Variants in DPP3 observed in about 807,000 individuals in gnomAD.
The protein encoded by DPP3 is DPP III.
A neutral mutation model predicts 89.8 loss-of-function variants in DPP3; 64 were observed. The ratio of observed to expected loss-of-function variants is 0.71; its 90% CI spans 0.58 to 0.88. The LOEUF is 0.88. Among genes scored for constraint, DPP3 ranks in the 40% least tolerant of loss-of-function variants. DPP3 has a pLI of 0.00. For synonymous variants in DPP3, 377 were observed against 404.3 expected (o/e 0.93, Z 0.81); for missense variants, 835 against 972.5 (o/e 0.86, Z 1.88).
intron 6 of DPP3, 51 bp from the exon 7 acceptor site, chr11:66,491,202 T>C (rs1855374059): frequency 6.2e-7 from 1 of 1,608,774 alleles, no homozygotes; most frequent in African/African-American, 1.3e-5. Flanking sequence ...TTTCTCTGAG[T>C]GAGGCCTCTT....
intron 17 of DPP3, among the ~76,000 whole-genome samples, chr11:66,508,316 C>A (rs1367820887): frequency 1.3e-5 from 2 of 152,152 alleles, no homozygotes; most frequent in Non-Finnish European, 2.9e-5. Context: ...GCCATGGTGG[C>A]TAGCATTTGT....
At chr11:66,487,414 T>G in intron 5 of DPP3, 72 bp downstream of exon 5, 18 of 1,474,096 alleles carry the variant, frequency 1.2e-5, no homozygotes, top group Non-Finnish European at 1.5e-5. Flanking sequence ...TCACAACTGG[T>G]GACCACTCCT....
At chr11:66,487,767 C>A in intron 5 of DPP3, 147 bp from the exon 6 acceptor site, 2 of 666,156 alleles carry the variant, frequency 3.0e-6, no homozygotes, top group Non-Finnish European at 5.2e-6. Context: ...CACTCCCACT[C>A]TCTCCCACTC....
At chr11:66,485,367 A>C in intron 3 of DPP3, 105 bp downstream of exon 3, 1 of 1,146,486 alleles carries the variant, frequency 8.7e-7, no homozygotes, top group Non-Finnish European at 1.3e-6. Flanking sequence ...AGCCCTGAGC[A>C]GAGCATGGAC....
intron 17 of DPP3, among the ~76,000 whole-genome samples, chr11:66,505,811 A>C (rs1407688199): frequency 1.4e-5 from 2 of 144,092 alleles, no homozygotes; most frequent in African/African-American, 5.2e-5. Context: ...CAACTCTTTA[A>C]AAAAAAAAAA....
chr11:66,508,854 G>T (rs973719079), intron 17 of DPP3, among the ~76,000 whole-genome samples: 1 of 152,116 alleles, frequency 6.6e-6, no homozygotes, highest in Non-Finnish European at 1.5e-5. Context: ...CTGAATGAAC[G>T]AAAGCAGCAA....
chr11:66,499,716 G>A (rs1855632366), intron 16 of DPP3, among the ~76,000 whole-genome samples: 1 of 152,074 alleles, frequency 6.6e-6, no homozygotes, highest in Admixed American at 6.6e-5. Flanking sequence ...GTTGCAGTGA[G>A]CCAAGATTGT....
At chr11:66,492,308 C>T in intron 9 of DPP3, 1 of 189,636 alleles carries the variant, frequency 5.3e-6, no homozygotes, top group Non-Finnish European at 1.1e-5. Flanking sequence ...CCAGGGGACC[C>T]ACCTGTGCAA....
At chr11:66,507,200 A>G (rs1855823482) in intron 17 of DPP3, among the ~76,000 whole-genome samples, 2 of 151,704 alleles carry the variant, frequency 1.3e-5, no homozygotes, top group African/African-American at 2.4e-5. Flanking sequence ...GGGCGCGGTG[A>G]CTCACACCTG....
rs1590751648 is a variant in DPP3, at chr11:66,509,011, A to G, written c.2042-68A>G. 7.7e-6 allele frequency: 12 copies of G among 1,561,732 alleles called. No individual in the cohort carries two copies. The East Asian group carries it at 2.7e-4, about 35-fold the overall frequency. On this transcript the variant is annotated intron_variant, in intron 17 of 17. Coordinates refer to ENST00000531863, the MANE Select transcript of DPP3 (RefSeq NM_130443.4). ...TGCTGCTGTAATTGTGATTATTAAGATTTTTATGATGATTCAGTTTCCCTA... is the reference window on the plus strand; with the variant it reads ...TGCTGCTGTAATTGTGATTATTAAGGTTTTTATGATGATTCAGTTTCCCTA...
At chr11:66,487,079 C>A (rs1480653443) in intron 4 of DPP3, among the ~76,000 whole-genome samples, 189 bp from the exon 5 acceptor site, 1 of 152,018 alleles carries the variant, frequency 6.6e-6, no homozygotes, top group African/African-American at 2.4e-5. Flanking sequence ...GAGGCCTGGG[C>A]AGAGCTGCAG....
rs149224466 is a variant in DPP3, at chr11:66,498,772, A to G, written c.1878+1295A>G. ...CGTGATGGCTCATGCCTGTAATCCCAGAACTTTGGGAGGCTAGATTCCTTG... is the reference window on the plus strand; with the variant it reads ...CGTGATGGCTCATGCCTGTAATCCCGGAACTTTGGGAGGCTAGATTCCTTG... On this transcript the variant is annotated intron_variant, in intron 16 of 17. Transcript: ENST00000531863. Among the ~76,000 whole-genome samples the G allele has an allele frequency of 1.1e-4, 16 of 152,252 alleles. No individual in the cohort carries two copies. The East Asian group carries it at 2.9e-3, about 28-fold the overall frequency.
In DPP3 at chr11:66,495,202, G is replaced by A. The variant is rs1343704710; in HGVS notation, c.1390-4G>A. On this transcript the variant is annotated splice_polypyrimidine_tract_variant and splice_region_variant and intron_variant, in intron 12 of 17. Transcript: ENST00000531863. Reference sequence around the variant, plus strand: ...CTTTCCCTCACCCACCGTGTGTTCTGCAGGACGAAAAAGGAGCATTCAACT... The same window carrying A: ...CTTTCCCTCACCCACCGTGTGTTCTACAGGACGAAAAAGGAGCATTCAACT... The A allele has an allele frequency of 5.0e-6, 8 of 1,612,134 alleles. No individual in the cohort carries two copies. Among genetic ancestry groups the A allele is most frequent in the Non-Finnish European group, 6.8e-6 (8 of 1,180,000 alleles).
In DPP3 at chr11:66,482,223, TGCCC is replaced by T. The variant is rs1855105053; in HGVS notation, c.24_27del (p.Pro9MetfsTer117). 2.5e-6 allele frequency: 4 copies of T among 1,614,078 alleles called. No homozygotes were observed. The African/African-American group carries it at 5.3e-5, about 22-fold the overall frequency. On this transcript the variant is annotated frameshift_variant, in exon 2 of 18. Transcript: ENST00000531863. LOFTEE classifies it high-confidence loss of function. ...CCCATGGCGGACACCCAGTACATCC[TGCCC>T]AATGACATCGGCGTGTCTAGCCTGG... is the stretch of plus-strand genomic sequence containing the variant.
chr11:66,481,998 A>G, intron 1 of DPP3, 195 bp from the exon 2 acceptor site: 1 of 718,110 alleles, frequency 1.4e-6, no homozygotes. Context: ...ATGGTCCACC[A>G]GTGTATTTTG....
At chr11:66,480,596 T>A in intron 1 of DPP3, 131 bp downstream of exon 1, 2 of 1,119,032 alleles carry the variant, frequency 1.8e-6, no homozygotes, top group Non-Finnish European at 2.4e-6. Flanking sequence ...CACCCCGCCC[T>A]CGAGGCCAAG....
chr11:66,485,219 A>T lies in DPP3; in HGVS notation c.317A>T (p.Tyr106Phe), dbSNP rs201297516. 2.5e-5 allele frequency: 41 copies of T among 1,614,024 alleles called. No individual in the cohort carries two copies. The highest frequency in any genetic ancestry group is 3.3e-5 in the Admixed American group (2 of 59,990). Reference protein sequence around the residue: ...AAGVYSNMGNYKSFGDTKFVP... With the variant: ...AAGVYSNMGNFKSFGDTKFVP... ...GGTGTTTACTCCAACATGGGCAACT[A>T]CAAGTCCTTTGGTGACACCAAGTTT... Residue 106 changes from tyrosine (Y) to phenylalanine (F), a missense_variant, in exon 3 of 18, where the codon TAC becomes TTC. By Grantham distance (22) the Tyr-to-Phe change is conservative (BLOSUM62 3). Transcript: ENST00000531863.
chr11:66,492,963 C>T lies in DPP3; in HGVS notation c.1183+53C>T. 1.9e-6 allele frequency: 3 copies of T among 1,597,990 alleles called. 1 individual carries two copies. The highest frequency in any genetic ancestry group is 2.3e-5 in the South Asian group (2 of 88,840). ...CCCCAGAAACCTTCCTTTAGAGTCG[C>T]CCCTCCCTGTCCACACACACACCCT... On this transcript the variant is annotated intron_variant, in intron 10 of 17. Transcript: ENST00000531863.
At position 66,497,394 on chromosome 11, in the gene DPP3, C is replaced by T. The variant is rs202163323; in HGVS notation, c.1795C>T (p.Pro599Ser). ...TCCCACCACAGGCTCCGATGGGCGCCCAGATGCCCGGGTCCGCCTCGACCG... is the reference window on the plus strand; with the variant it reads ...TCCCACCACAGGCTCCGATGGGCGCTCAGATGCCCGGGTCCGCCTCGACCG... ...ITPTTGSDGR[P>S]DARVRLDRSK... The change falls in exon 16 of 18, where the codon CCA becomes TCA. Residue 599 changes from proline to serine, a missense_variant. Transcript: ENST00000531863. 1.5e-4 allele frequency: 250 copies of T among 1,614,010 alleles called. No homozygotes were observed. The highest frequency in any genetic ancestry group is 2.0e-4 in the Non-Finnish European group (233 of 1,179,988).
Sources: gnomAD v4.1 joint callset for allele counts (sites outside exome capture counted in the v4.1 genomes callset) on GRCh38, gnomAD v4.1.1 for gene constraint, MANE v1.5 for transcripts, NCBI Gene and HGNC (gene_info 2026-07-23, HGNC 2026-07-21) for gene names.